Variants in COL5A2 observed in about 807,000 individuals in gnomAD.
COL5A2 encodes the protein collagen type V alpha 2 chain.
COL5A2 carries 23 observed loss-of-function variants against 208.2 expected under a neutral mutation model. That is an observed-to-expected ratio of 0.11 (90% CI 0.08 to 0.16). The LOEUF is 0.16. Ranked by LOEUF, COL5A2 falls within the 10% of genes least tolerant of loss-of-function variation. The pLI, the probability that COL5A2 is intolerant of heterozygous loss-of-function variation, is 1.00. For synonymous variants in COL5A2, 625 were observed against 628.5 expected, an observed-to-expected ratio of 0.99 and a Z score of 0.08; for missense variants, 1,590 against 1,956.4, an observed-to-expected ratio of 0.81 and a Z score of 3.53.
intron 45 of COL5A2, 79 bp from the exon 46 acceptor site, chr2:189,045,986 T>G: frequency 8.0e-7 from 1 of 1,255,408 alleles, no homozygotes; most frequent in South Asian, 1.2e-5. Flanking sequence ...GTTATTCTTA[T>G]AGTATTAATA....
At chr2:189,304,483 G>A in the COL5A2 span, among the ~76,000 whole-genome samples, 1 of 152,184 alleles carries the variant, frequency 6.6e-6, no homozygotes, top group Non-Finnish European at 1.5e-5. Flanking sequence ...TTGCTCCTGG[G>A]TGACAGAGAG....
At chr2:189,194,468 A>G (rs1374634317) in intron 1 of COL5A2, among the ~76,000 whole-genome samples, 26 of 152,176 alleles carry the variant, frequency 1.7e-4, no homozygotes. Context: ...GCTTGACATA[A>G]TGCTTTTTTT....
At chr2:189,270,830 G>GA in the COL5A2 span, among the ~76,000 whole-genome samples, 2 of 152,032 alleles carry the variant, frequency 1.3e-5, no homozygotes, top group African/African-American at 4.8e-5. Flanking sequence ...AAATCAATGT[G>GA]AAAAAATCAC....
At chr2:189,070,844 G>A (rs2105610488) in intron 18 of COL5A2, among the ~76,000 whole-genome samples, 1 of 152,204 alleles carries the variant, frequency 6.6e-6, no homozygotes, top group South Asian at 2.1e-4. Context: ...CAGATTCAGA[G>A]GAGAACCCAA....
the COL5A2 span, among the ~76,000 whole-genome samples, chr2:189,423,468 AG>A: frequency 6.6e-6 from 1 of 152,034 alleles, no homozygotes; most frequent in Non-Finnish European, 1.5e-5. Context: ...TGAAAAGATT[AG>A]AAAAAACATT....
rs112379794 is a variant in COL5A2 at position 189,061,651 on chromosome 2, C to G, written c.1978-36G>C. The G allele has an allele frequency of 4.0e-6, 6 of 1,511,854 alleles. No homozygotes were observed. In the African/African-American group the frequency reaches 6.9e-5, roughly 17 times the overall value. 93.7% of individuals were successfully genotyped at this position (1,511,854 alleles called of 1,614,324 possible). A position where few individuals can be genotyped will look rare whatever the true frequency, so the allele number is the denominator to read the frequency against. On this transcript the variant is annotated intron_variant, in intron 29 of 53. Coordinates refer to ENST00000374866, the MANE Select transcript of COL5A2 (RefSeq NM_000393.5). ...AAGGAGAAAATAATTGTGAATATAA[C>G]CAGATCTTTGTCTGCTTCCTCTCTA...
the COL5A2 span, among the ~76,000 whole-genome samples, chr2:189,428,817 T>C: frequency 6.6e-6 from 1 of 152,178 alleles, no homozygotes; most frequent in Non-Finnish European, 1.5e-5. Context: ...CTTTATAAAT[T>C]ATCCAGTACC....
the COL5A2 span, among the ~76,000 whole-genome samples, chr2:189,313,082 C>T: frequency 1.3e-5 from 2 of 151,584 alleles, no homozygotes; most frequent in African/African-American, 2.4e-5. Context: ...GTATTAATAG[C>T]GTAATAGATC....
chr2:189,427,653 C>A, the COL5A2 span, among the ~76,000 whole-genome samples: 63 of 152,358 alleles, frequency 4.1e-4, no homozygotes, highest in African/African-American at 1.5e-3. Context: ...GCCACAGGGA[C>A]AGAGCTTCCC....
the COL5A2 span, among the ~76,000 whole-genome samples, chr2:189,402,489 G>A: frequency 2.0e-5 from 3 of 152,218 alleles, no homozygotes; most frequent in Non-Finnish European, 2.9e-5. Flanking sequence ...AAGGGGCCAA[G>A]ACACAGGCAT....
At chr2:189,336,525 T>C in the COL5A2 span, among the ~76,000 whole-genome samples, 4 of 152,222 alleles carry the variant, frequency 2.6e-5, no homozygotes, top group South Asian at 2.1e-4. Context: ...AACAGGAAAT[T>C]GCTCAATTAC....
intron 6 of COL5A2, chr2:189,095,054 T>C (rs1686877968): frequency 6.6e-6 from 1 of 150,874 alleles, no homozygotes. Flanking sequence ...ACAATGCATA[T>C]GGAATTATTT....
intron 1 of COL5A2, among the ~76,000 whole-genome samples, chr2:189,200,400 C>T (rs1209177013): frequency 1.3e-5 from 2 of 151,602 alleles, no homozygotes; most frequent in African/African-American, 4.9e-5. Context: ...TTACTCCTAG[C>T]TTAATAGTAA....
chr2:189,311,866 T>A, the COL5A2 span: 3 of 1,268,054 alleles, frequency 2.4e-6, no homozygotes, highest in Non-Finnish European at 3.4e-6. Context: ...CAATCTGGGC[T>A]TGTAGGCCTT....
intron 23 of COL5A2, 49 bp from the exon 24 acceptor site, chr2:189,065,106 A>G (rs1478949215): frequency 6.5e-7 from 1 of 1,539,608 alleles, no homozygotes; most frequent in East Asian, 2.3e-5. Context: ...TATTTTTGCA[A>G]TATGTAATGA....
chr2:189,414,261 T>C, the COL5A2 span, among the ~76,000 whole-genome samples: 5 of 152,134 alleles, frequency 3.3e-5, no homozygotes, highest in African/African-American at 9.7e-5. Flanking sequence ...TGAGGAAAAA[T>C]AGTAATTATC....
At chr2:189,090,426 T>C (rs1027106476) in intron 7 of COL5A2, among the ~76,000 whole-genome samples, 6 of 152,212 alleles carry the variant, frequency 3.9e-5, no homozygotes, top group African/African-American at 1.4e-4. Context: ...CAAATGCTGA[T>C]GTAGACACTG....
the COL5A2 span, among the ~76,000 whole-genome samples, chr2:189,292,864 G>A: frequency 2.0e-5 from 3 of 152,020 alleles, no homozygotes; most frequent in Non-Finnish European, 2.9e-5. Context: ...CAAATGTCCA[G>A]CAATGATAGA....
chr2:189,234,019 C>T, the COL5A2 span, among the ~76,000 whole-genome samples: 1 of 151,544 alleles, frequency 6.6e-6, no homozygotes, highest in East Asian at 1.9e-4. Context: ...TTTCTCTCTT[C>T]TATTTGATGG....
Sources: allele counts gnomAD v4.1 joint callset (sites outside exome capture counted in the v4.1 genomes callset), GRCh38; gene constraint gnomAD v4.1.1; transcripts MANE v1.5; gene names NCBI Gene and HGNC (gene_info 2026-07-23, HGNC 2026-07-21).